The following OLFM3 variants were observed in gnomAD, a reference collection of about 807,000 sequenced individuals.
OLFM3 encodes noelin-3.
A neutral mutation model predicts 48.6 loss-of-function variants in OLFM3; 20 were observed. The ratio of observed to expected loss-of-function variants is 0.41; its 90% CI spans 0.29 to 0.60. The LOEUF is 0.60. OLFM3 is among the 20% of genes least tolerant of loss of function. OLFM3 has a pLI of 0.28. For missense variants in OLFM3, 437 were observed against 544.3 expected (o/e 0.80, Z 1.96); for synonymous variants, 222 against 198.1 (o/e 1.12, Z -1.01).
chr1:101,825,532 A>G lies in OLFM3; in HGVS notation c.373-287T>C, dbSNP rs535260165. ...AAAACTTCCTATGGTAGAAACTAGG[A>G]CTATATACTATTTCATTTTCTGGTA... On this transcript the variant is annotated intron_variant, in intron 3 of 5. Transcript: ENST00000370103. Among the ~76,000 whole-genome samples the G allele has an allele frequency of 2.6e-5, 4 of 152,316 alleles. No individual in the cohort carries two copies. The East Asian group carries it at 7.7e-4, about 29-fold the overall frequency.
intron 1 of OLFM3, among the ~76,000 whole-genome samples, chr1:101,988,889 G>A (rs549880025): frequency 3.3e-5 from 5 of 152,126 alleles, no homozygotes; most frequent in Non-Finnish European, 5.9e-5. Flanking sequence ...AAAAAGAAAA[G>A]AGTGATTAGG....
chr1:101,875,695 T>C (rs994329773), intron 1 of OLFM3, among the ~76,000 whole-genome samples: 2 of 151,952 alleles, frequency 1.3e-5, no homozygotes, highest in African/African-American at 2.4e-5. Flanking sequence ...ATTTTGTCTG[T>C]CATCAGACCA....
intron 1 of OLFM3, among the ~76,000 whole-genome samples, chr1:101,863,805 A>G (rs1253146758): frequency 6.6e-6 from 1 of 152,174 alleles, no homozygotes; most frequent in African/African-American, 2.4e-5. Flanking sequence ...AGACATGGTT[A>G]TTTTTCAATT....
intron 1 of OLFM3, among the ~76,000 whole-genome samples, chr1:101,872,870 G>A (rs1029179816): frequency 3.3e-5 from 5 of 151,072 alleles, no homozygotes; most frequent in African/African-American, 9.7e-5. Context: ...ATATCTTAAT[G>A]GGTACAATGC....
intron 1 of OLFM3, among the ~76,000 whole-genome samples, chr1:101,932,179 T>G (rs1164779852): frequency 6.6e-6 from 1 of 152,248 alleles, no homozygotes; most frequent in Non-Finnish European, 1.5e-5. Context: ...GCAGTGGTTT[T>G]TAAACTTTAG....
intron 1 of OLFM3, among the ~76,000 whole-genome samples, chr1:101,889,315 T>C (rs1657896643): frequency 6.6e-6 from 1 of 152,128 alleles, no homozygotes; most frequent in East Asian, 1.9e-4. Flanking sequence ...TGGAATACTA[T>C]GCATCCATAA....
chr1:101,917,687 G>A (rs1557729803), intron 1 of OLFM3, among the ~76,000 whole-genome samples: 1 of 152,102 alleles, frequency 6.6e-6, no homozygotes, highest in Non-Finnish European at 1.5e-5. Flanking sequence ...AAAATGCTGG[G>A]ATTATGGGCA....
At chr1:101,993,514 T>A (rs1661472663) in intron 1 of OLFM3, among the ~76,000 whole-genome samples, 2 of 152,158 alleles carry the variant, frequency 1.3e-5, no homozygotes, top group South Asian at 4.1e-4. Context: ...TGATTTGGCA[T>A]GTCGTCTATA....
At chr1:101,976,073 A>G (rs1660944675) in intron 1 of OLFM3, among the ~76,000 whole-genome samples, 1 of 152,186 alleles carries the variant, frequency 6.6e-6, no homozygotes, top group South Asian at 2.1e-4. Context: ...AATACAAAAG[A>G]ACCTAAGATT....
At chr1:101,935,151 A>G (rs1359314573) in intron 1 of OLFM3, among the ~76,000 whole-genome samples, 1 of 151,844 alleles carries the variant, frequency 6.6e-6, no homozygotes, top group Non-Finnish European at 1.5e-5. Flanking sequence ...GATCTTTTGT[A>G]TAAAAAAAAA....
At chr1:101,911,087 G>T (rs568331753) in intron 1 of OLFM3, among the ~76,000 whole-genome samples, 2 of 152,240 alleles carry the variant, frequency 1.3e-5, no homozygotes, top group South Asian at 2.1e-4. Context: ...TTCATGCATA[G>T]CTACTCTGTG....
At chr1:101,937,500 A>G (rs926852209) in intron 1 of OLFM3, among the ~76,000 whole-genome samples, 1 of 152,090 alleles carries the variant, frequency 6.6e-6, no homozygotes, top group African/African-American at 2.4e-5. Context: ...CTCGTGCTGT[A>G]CTTATGACAG....
In OLFM3 at chr1:101,948,512, T is replaced by C. The variant is rs142438664; in HGVS notation, c.69+48236A>G. On this transcript the variant is annotated intron_variant, in intron 1 of 5. Transcript: ENST00000370103. ...CTTGAGTCAGATTTGTTTAGGTAAT[T>C]TTTTTTGCCAATTATTTTTTAGTTT... is the stretch of plus-strand genomic sequence containing the variant. Among the ~76,000 whole-genome samples, 11 of 152,164 alleles carry C rather than the reference T, an allele frequency of 7.2e-5. No individual in the cohort carries two copies. In the East Asian group the frequency reaches 2.1e-3, roughly 29 times the overall value.
intron 1 of OLFM3, among the ~76,000 whole-genome samples, chr1:101,857,887 C>T (rs891123098): frequency 2.6e-5 from 4 of 152,024 alleles, no homozygotes; most frequent in African/African-American, 9.7e-5. Flanking sequence ...TAATATTTTG[C>T]ACTTCATATT....
At chr1:101,987,936 A>C (rs1224036777) in intron 1 of OLFM3, among the ~76,000 whole-genome samples, 1 of 152,080 alleles carries the variant, frequency 6.6e-6, no homozygotes, top group Non-Finnish European at 1.5e-5. Flanking sequence ...TACTATTTAG[A>C]AGTTAAAATC....
chr1:101,889,187 A>G (rs1264483002), intron 1 of OLFM3, among the ~76,000 whole-genome samples: 1 of 152,184 alleles, frequency 6.6e-6, no homozygotes, highest in Non-Finnish European at 1.5e-5. Context: ...ATGCTGCTAT[A>G]AAGACACATG....
chr1:101,841,111 T>C (rs1401059526), intron 1 of OLFM3, among the ~76,000 whole-genome samples: 2 of 152,232 alleles, frequency 1.3e-5, no homozygotes, highest in Non-Finnish European at 2.9e-5. Context: ...ATAAAGCTAG[T>C]ATATGATAGT....
intron 1 of OLFM3, among the ~76,000 whole-genome samples, chr1:101,901,931 G>A (rs1211035506): frequency 6.6e-6 from 1 of 151,944 alleles, no homozygotes; most frequent in African/African-American, 2.4e-5. Context: ...TCAGAAGTGA[G>A]GTCATAATAA....
In OLFM3 at chr1:101,897,262, A is replaced by T. The variant is rs572351592; in HGVS notation, c.70-60237T>A. Among the ~76,000 whole-genome samples, 3 of 152,346 alleles carry T rather than the reference A, an allele frequency of 2.0e-5. No homozygotes were observed. The South Asian group carries it at 6.2e-4, about 32-fold the overall frequency. On this transcript the variant is annotated intron_variant, in intron 1 of 5. Coordinates refer to ENST00000370103, the MANE Select transcript of OLFM3 (RefSeq NM_058170.4). ...CTATGCTAAAAATAAATAAATGCCT[A>T]TAAAATATTTTAAAATAGATACCAT...
Sources: gnomAD v4.1 joint callset for allele counts (sites outside exome capture counted in the v4.1 genomes callset) on GRCh38, gnomAD v4.1.1 for gene constraint, MANE v1.5 for transcripts, NCBI Gene and HGNC (gene_info 2026-07-23, HGNC 2026-07-21) for gene names.